SLC44A5: variants seen among roughly 807,000 people sequenced by gnomAD.
The protein encoded by SLC44A5 is choline transporter-like protein 5.
Under a neutral mutation model 101.8 loss-of-function variants are expected in SLC44A5, and 57 were observed. That is an observed-to-expected ratio of 0.56 (90% CI 0.45 to 0.70). SLC44A5 has a LOEUF of 0.70. Ranked by LOEUF, SLC44A5 falls within the 30% of genes least tolerant of loss-of-function variation. The pLI, the probability that SLC44A5 is intolerant of heterozygous loss-of-function variation, is 0.00. For missense variants in SLC44A5, 737 were observed against 853.1 expected (o/e 0.86, Z 1.70); for synonymous variants, 281 against 290.9 (o/e 0.97, Z 0.35).
chr1:75,371,162 T>C (rs954308695), intron 3 of SLC44A5, among the ~76,000 whole-genome samples: 5 of 152,190 alleles, frequency 3.3e-5, no homozygotes, highest in African/African-American at 9.7e-5. Context: ...GATGTGTCAA[T>C]GGGAAATTAT....
intron 2 of SLC44A5, among the ~76,000 whole-genome samples, chr1:75,453,598 A>G (rs975021123): frequency 6.6e-6 from 1 of 152,110 alleles, no homozygotes; most frequent in East Asian, 1.9e-4. Context: ...CAAAGGATCA[A>G]TGAAACCAAA....
chr1:75,241,908 G>A, intron 9 of SLC44A5, 93 bp downstream of exon 9: 1 of 1,092,028 alleles, frequency 9.2e-7, no homozygotes, highest in East Asian at 2.4e-5. Context: ...GACCATTCTT[G>A]GCCTCAGTCT....
At chr1:75,393,880 G>A (rs1661955468) in intron 3 of SLC44A5, among the ~76,000 whole-genome samples, 1 of 152,138 alleles carries the variant, frequency 6.6e-6, no homozygotes. Context: ...ATGGTGAGTG[G>A]TGATGCCCTT....
chr1:75,419,507 C>A (rs1344585409), intron 2 of SLC44A5, among the ~76,000 whole-genome samples: 1 of 146,222 alleles, frequency 6.8e-6, no homozygotes. Context: ...AAATTCTGTA[C>A]CAGGAAAAAA....
chr1:75,576,424 C>T (rs1215217811), intron 1 of SLC44A5, among the ~76,000 whole-genome samples: 1 of 151,992 alleles, frequency 6.6e-6, no homozygotes, highest in African/African-American at 2.4e-5. Flanking sequence ...GCACCATTCT[C>T]CTGCCTCAGC....
intron 3 of SLC44A5, among the ~76,000 whole-genome samples, chr1:75,351,846 CAAAAAAA>C (rs71071942): frequency 3.5e-5 from 1 of 28,402 alleles, no homozygotes; most frequent in African/African-American, 1.3e-4. Context: ...CACACTTTAC[CAAAAAAA>C]AAAAAAAAAA....
At chr1:75,505,500 C>A (rs867027058) in intron 2 of SLC44A5, among the ~76,000 whole-genome samples, 1 of 152,176 alleles carries the variant, frequency 6.6e-6, no homozygotes, top group African/African-American at 2.4e-5. Flanking sequence ...CTTTTCTCTG[C>A]AGCCTCACCA....
Position 75,242,882 on chromosome 1 carries a change from A to G in SLC44A5, c.471+4T>C. 1 of 1,585,884 alleles carries G rather than the reference A, an allele frequency of 6.3e-7. No homozygotes were observed. Among genetic ancestry groups the G allele is most frequent in the Non-Finnish European group, 8.6e-7 (1 of 1,169,068 alleles). On this transcript the variant is annotated splice_donor_region_variant and intron_variant, in intron 8 of 23. Coordinates refer to ENST00000370859, the MANE Select transcript of SLC44A5 (RefSeq NM_001130058.2). ...TCTCTTGCTTTAAGCTTAAACACAC[A>G]TACCTTCACAGGCTTAGCAGTGGTC...
chr1:75,518,517 T>C (rs1356072825), intron 2 of SLC44A5, among the ~76,000 whole-genome samples: 1 of 152,080 alleles, frequency 6.6e-6, no homozygotes, highest in Non-Finnish European at 1.5e-5. Context: ...CTGTAGTTGA[T>C]CCATACTGAG....
At chr1:75,484,086 C>T (rs1484616544) in intron 2 of SLC44A5, among the ~76,000 whole-genome samples, 1 of 152,134 alleles carries the variant, frequency 6.6e-6, no homozygotes, top group African/African-American at 2.4e-5. Context: ...CAGAGCCAAG[C>T]CATATCATTC....
intron 2 of SLC44A5, among the ~76,000 whole-genome samples, chr1:75,488,470 C>T (rs74089266): frequency 0.027 from 4,035 of 152,244 alleles, 168 homozygotes; most frequent in African/African-American, 0.092. Context: ...CCATTGCATA[C>T]GTGGTCCACA....
intron 2 of SLC44A5, among the ~76,000 whole-genome samples, chr1:75,416,021 T>C (rs1012264032): frequency 6.6e-6 from 1 of 152,238 alleles, no homozygotes; most frequent in Non-Finnish European, 1.5e-5. Flanking sequence ...TTCCATTTTC[T>C]GAGTAGAATC....
At chr1:75,213,501 C>T (rs1178806395) in intron 22 of SLC44A5, among the ~76,000 whole-genome samples, 1 of 152,072 alleles carries the variant, frequency 6.6e-6, no homozygotes, top group Non-Finnish European at 1.5e-5. Flanking sequence ...ATCTCTCTCT[C>T]TCTCCCCACC....
At chr1:75,557,766 T>A (rs1672301516) in intron 1 of SLC44A5, among the ~76,000 whole-genome samples, 1 of 152,160 alleles carries the variant, frequency 6.6e-6, no homozygotes, top group Non-Finnish European at 1.5e-5. Context: ...TTAGAATTTA[T>A]GTAATTTATT....
chr1:75,209,966 T>C (rs1388370055), intron 23 of SLC44A5, among the ~76,000 whole-genome samples: 5 of 152,136 alleles, frequency 3.3e-5, no homozygotes, highest in African/African-American at 1.2e-4. Context: ...AGAAATGGCA[T>C]GGAAGGTGAA....
At chr1:75,481,379 G>C (rs1404585456) in intron 2 of SLC44A5, among the ~76,000 whole-genome samples, 3 of 152,078 alleles carry the variant, frequency 2.0e-5, no homozygotes, top group Non-Finnish European at 4.4e-5. Flanking sequence ...AAAAGCAATG[G>C]CAACAAAAGC....
the SLC44A5 span, among the ~76,000 whole-genome samples, chr1:75,650,168 G>A: frequency 5.9e-5 from 9 of 152,098 alleles, 1 homozygote; most frequent in South Asian, 2.1e-4. Context: ...ACCCATTAGC[G>A]TACATTGTAC....
chr1:75,599,841 G>A (rs1674870598), intron 1 of SLC44A5, among the ~76,000 whole-genome samples: 1 of 152,122 alleles, frequency 6.6e-6, no homozygotes, highest in Admixed American at 6.6e-5. Flanking sequence ...GGTGGGAAAT[G>A]AACCTGGAAG....
the SLC44A5 span, chr1:75,641,652 T>C: frequency 6.7e-7 from 1 of 1,493,896 alleles, no homozygotes; most frequent in Non-Finnish European, 9.3e-7. Flanking sequence ...GGAAGTAAAA[T>C]AACTTCAGCT....
Sources: gnomAD v4.1 joint callset for allele counts (sites outside exome capture counted in the v4.1 genomes callset) on GRCh38, gnomAD v4.1.1 for gene constraint, MANE v1.5 for transcripts, NCBI Gene and HGNC (gene_info 2026-07-23, HGNC 2026-07-21) for gene names.